The following DGKI variants were observed in gnomAD, a reference collection of about 807,000 sequenced individuals.
DGKI encodes diacylglycerol kinase iota.
A neutral mutation model predicts 147.5 loss-of-function variants in DGKI; 55 were observed. That is an observed-to-expected ratio of 0.37 (90% CI 0.30 to 0.47). The LOEUF (loss-of-function observed/expected upper bound fraction) is 0.47, where lower values mean the gene tolerates loss of function less well. Ranked by LOEUF, DGKI falls within the 20% of genes least tolerant of loss-of-function variation. The pLI is 1.00. For synonymous variants in DGKI, 469 were observed against 477.1 expected, an observed-to-expected ratio of 0.98 and a Z score of 0.22; for missense variants, 1,007 against 1,323.8, an observed-to-expected ratio of 0.76 and a Z score of 3.71.
intron 1 of DGKI, among the ~76,000 whole-genome samples, chr7:137,711,496 C>T (rs1794212466): frequency 6.6e-6 from 1 of 151,986 alleles, no homozygotes; most frequent in Non-Finnish European, 1.5e-5. Flanking sequence ...GTGTTAATTG[C>T]AGATTGCACA....
At chr7:137,440,059 G>A (rs1813436664) in intron 28 of DGKI, among the ~76,000 whole-genome samples, 1 of 152,208 alleles carries the variant, frequency 6.6e-6, no homozygotes, top group Non-Finnish European at 1.5e-5. Context: ...GCAGGCTAAG[G>A]TGACAGAAAG....
At chr7:137,800,115 C>A (rs916435913) in intron 1 of DGKI, among the ~76,000 whole-genome samples, 1 of 152,218 alleles carries the variant, frequency 6.6e-6, no homozygotes, top group East Asian at 1.9e-4. Flanking sequence ...TTTGGGGATT[C>A]CAATTTCCCC....
intron 1 of DGKI, among the ~76,000 whole-genome samples, chr7:137,729,503 A>G (rs1794807699): frequency 6.6e-6 from 1 of 152,192 alleles, no homozygotes; most frequent in African/African-American, 2.4e-5. Context: ...GACAATCTAT[A>G]AAAACTAAAT....
chr7:137,820,460 T>A (rs1461610908), intron 1 of DGKI, among the ~76,000 whole-genome samples: 1 of 152,224 alleles, frequency 6.6e-6, no homozygotes, highest in Non-Finnish European at 1.5e-5. Flanking sequence ...CCCTGCACCT[T>A]GCAGAAGCAG....
chr7:137,449,501 AG>A (rs1201511994), intron 27 of DGKI, among the ~76,000 whole-genome samples: 1 of 152,224 alleles, frequency 6.6e-6, no homozygotes, highest in Non-Finnish European at 1.5e-5. Context: ...AGTGGATTAA[AG>A]ACTTAAATGT....
chr7:137,387,764 G>A lies in DGKI; in HGVS notation c.*3456C>T, dbSNP rs1297007031. On this transcript the variant is annotated 3_prime_UTR_variant, in exon 33 of 33. Transcript: ENST00000614521. Reference sequence around the variant, plus strand: ...GTGGTATTAAAACATTTTATAAAAAGCATGTGCCATTTTTATAATTTAAAA... The same window carrying A: ...GTGGTATTAAAACATTTTATAAAAAACATGTGCCATTTTTATAATTTAAAA... 1 of 151,914 alleles carries A rather than the reference G, an allele frequency of 6.6e-6. No homozygotes were observed. Among genetic ancestry groups the A allele is most frequent in the Admixed American group, 6.6e-5 (1 of 15,236 alleles). 9.4% of individuals were successfully genotyped at this position (151,914 alleles called of 1,614,324 possible).
chr7:137,565,153 T>C (rs1211228264), intron 19 of DGKI, among the ~76,000 whole-genome samples: 1 of 152,180 alleles, frequency 6.6e-6, no homozygotes, highest in Non-Finnish European at 1.5e-5. Flanking sequence ...TTATCTGCAA[T>C]ATAAAACATC....
intron 1 of DGKI, among the ~76,000 whole-genome samples, chr7:137,723,826 C>T (rs1055641644): frequency 1.3e-5 from 2 of 150,924 alleles, no homozygotes; most frequent in African/African-American, 2.4e-5. Flanking sequence ...TCCCCTGCCT[C>T]AGCCTCCTGA....
At position 137,382,374 on chromosome 7, in the gene DGKI, C is replaced by A. The variant is rs1005830428; in HGVS notation, c.*8846G>T. 6.6e-6 allele frequency: 1 copy of A among 151,920 alleles called. No homozygotes were observed. Among genetic ancestry groups the A allele is most frequent in the Admixed American group, 6.6e-5 (1 of 15,234 alleles). The allele number at this position is 151,920 out of a possible 1,614,324, so 9.4% of individuals were successfully genotyped here. A position where few individuals can be genotyped will look rare whatever the true frequency, so the allele number is the denominator to read the frequency against. On this transcript the variant is annotated 3_prime_UTR_variant, in exon 33 of 33. Transcript: ENST00000614521. Reference sequence around the variant, plus strand: ...TTTCAAACTTTATCAGGGACCAGAACAAGTTTGTGGACAGGCATAATGTAT... The same window carrying A: ...TTTCAAACTTTATCAGGGACCAGAAAAAGTTTGTGGACAGGCATAATGTAT...
chr7:137,743,364 TACCA>T (rs765739045), intron 1 of DGKI, among the ~76,000 whole-genome samples: 33 of 152,312 alleles, frequency 2.2e-4, no homozygotes, highest in Non-Finnish European at 4.0e-4. Flanking sequence ...CTGTAAAAAG[TACCA>T]CATGCTTGAT....
chr7:137,440,708 A>G (rs1304773751), intron 28 of DGKI, among the ~76,000 whole-genome samples: 1 of 152,246 alleles, frequency 6.6e-6, no homozygotes, highest in Non-Finnish European at 1.5e-5. Context: ...ATGAAAGGAC[A>G]TAAGGCAGTT....
intron 1 of DGKI, among the ~76,000 whole-genome samples, chr7:137,721,264 G>A (rs909665894): frequency 6.6e-5 from 10 of 152,264 alleles, no homozygotes; most frequent in Admixed American, 2.0e-4. Context: ...TACAATGAAT[G>A]TCTTTCTGTA....
In DGKI at chr7:137,834,049, C is replaced by T. The variant is rs1585549668; in HGVS notation, c.401+12413G>A. Among the ~76,000 whole-genome samples, 2 of 152,180 alleles carry T rather than the reference C, an allele frequency of 1.3e-5. 1 individual carries two copies. Among genetic ancestry groups the T allele is most frequent in the East Asian group, 3.8e-4 (2 of 5,198 alleles). On this transcript the variant is annotated intron_variant, in intron 1 of 32. Transcript: ENST00000614521. ...TGCCTCAGTTTCCTTTTCTGTAAAGCTATGGATAGTAAAAGCATCTACCTT... is the reference window on the plus strand; with the variant it reads ...TGCCTCAGTTTCCTTTTCTGTAAAGTTATGGATAGTAAAAGCATCTACCTT...
chr7:137,632,340 A>C (rs1400043369), intron 6 of DGKI, among the ~76,000 whole-genome samples: 1 of 152,198 alleles, frequency 6.6e-6, no homozygotes, highest in Admixed American at 6.5e-5. Context: ...ATTGAAGGAG[A>C]GGGTAAGTCC....
At chr7:137,747,569 CG>C (rs1795377749) in intron 1 of DGKI, among the ~76,000 whole-genome samples, 1 of 152,176 alleles carries the variant, frequency 6.6e-6, no homozygotes, top group South Asian at 2.1e-4. Context: ...AATTCTGTAA[CG>C]GGGTCTTTGA....
intron 29 of DGKI, among the ~76,000 whole-genome samples, chr7:137,410,630 T>A: frequency 6.6e-6 from 1 of 151,292 alleles, no homozygotes; most frequent in East Asian, 1.9e-4. Flanking sequence ...AAAAAAAGTG[T>A]GATAATAAAC....
At chr7:137,751,402 T>G (rs370819193) in intron 1 of DGKI, among the ~76,000 whole-genome samples, 32 of 152,334 alleles carry the variant, frequency 2.1e-4, no homozygotes, top group African/African-American at 7.7e-4. Flanking sequence ...ATTCACCGAG[T>G]ACCTCTCATA....
chr7:137,841,479 G>A (rs1471491877), intron 1 of DGKI, among the ~76,000 whole-genome samples: 1 of 152,146 alleles, frequency 6.6e-6, no homozygotes, highest in South Asian at 2.1e-4. Flanking sequence ...TGTAAGAAAA[G>A]CTCACATGCC....
chr7:137,830,372 C>G (rs962158964), intron 1 of DGKI, among the ~76,000 whole-genome samples: 1 of 152,218 alleles, frequency 6.6e-6, no homozygotes, highest in Non-Finnish European at 1.5e-5. Context: ...CTCAGTGCCC[C>G]CCACCACAGG....
Sources: gnomAD v4.1 joint callset for allele counts (sites outside exome capture counted in the v4.1 genomes callset) on GRCh38, gnomAD v4.1.1 for gene constraint, MANE v1.5 for transcripts, NCBI Gene and HGNC (gene_info 2026-07-23, HGNC 2026-07-21) for gene names.